The following PEBP4 variants were observed in gnomAD, a reference collection of about 807,000 sequenced individuals.
PEBP4 encodes phosphatidylethanolamine-binding protein 4.
A neutral mutation model predicts 23.9 loss-of-function variants in PEBP4; 22 were observed. The ratio of observed to expected loss-of-function variants is 0.92; its 90% CI spans 0.66 to 1.31. The LOEUF (loss-of-function observed/expected upper bound fraction) is 1.31. Ranked by LOEUF, PEBP4 falls within the 40% of genes most tolerant of loss-of-function variation. PEBP4 has a pLI of 0.00. For missense variants in PEBP4, 324 were observed against 281.7 expected (o/e 1.15, Z -1.07); for synonymous variants, 112 against 99.3 (o/e 1.13, Z -0.76).
intron 4 of PEBP4, among the ~76,000 whole-genome samples, chr8:22,802,631 C>A (rs2128759037): frequency 6.6e-6 from 1 of 152,284 alleles, no homozygotes; most frequent in East Asian, 1.9e-4. Flanking sequence ...GACTTACCTT[C>A]AAAAGTAAAT....
intron 4 of PEBP4, among the ~76,000 whole-genome samples, chr8:22,743,094 C>T (rs1422169546): frequency 6.6e-6 from 1 of 152,150 alleles, no homozygotes; most frequent in African/African-American, 2.4e-5. Context: ...ACTCCAGTGC[C>T]CAGGCCTCTT....
chr8:22,923,633 C>T (rs1809258003), intron 2 of PEBP4, among the ~76,000 whole-genome samples: 1 of 152,086 alleles, frequency 6.6e-6, no homozygotes, highest in African/African-American at 2.4e-5. Context: ...TCAGCTGCCC[C>T]TCAGTGAGTG....
chr8:22,780,852 C>T (rs973031090), intron 4 of PEBP4, among the ~76,000 whole-genome samples: 31 of 152,306 alleles, frequency 2.0e-4, no homozygotes, highest in African/African-American at 7.0e-4. Flanking sequence ...GGAAAGGAAA[C>T]GAGTGTGCTC....
chr8:22,888,911 G>T (rs1468929783), intron 3 of PEBP4, among the ~76,000 whole-genome samples: 1 of 152,212 alleles, frequency 6.6e-6, no homozygotes, highest in Non-Finnish European at 1.5e-5. Flanking sequence ...CTAACCCAGG[G>T]CTAATCCTGG....
chr8:22,936,198 A>T (rs1809537974), intron 1 of PEBP4, among the ~76,000 whole-genome samples: 1 of 151,770 alleles, frequency 6.6e-6, no homozygotes, highest in Non-Finnish European at 1.5e-5. Flanking sequence ...AACAGAGAAG[A>T]CTCAAATTAC....
intron 1 of PEBP4, among the ~76,000 whole-genome samples, chr8:22,934,844 A>T (rs1053457741): frequency 9.2e-5 from 14 of 152,362 alleles, no homozygotes; most frequent in East Asian, 5.8e-4. Context: ...TAGATTTTTT[A>T]AAAATGATTC....
intron 3 of PEBP4, among the ~76,000 whole-genome samples, chr8:22,907,399 C>T (rs915809341): frequency 3.9e-5 from 6 of 152,164 alleles, no homozygotes; most frequent in African/African-American, 1.4e-4. Flanking sequence ...GTAGTCCCAG[C>T]TGCTTGGGAG....
intron 4 of PEBP4, among the ~76,000 whole-genome samples, chr8:22,781,102 C>A (rs143830944): frequency 2.0e-3 from 299 of 152,342 alleles, no homozygotes; most frequent in Non-Finnish European, 3.7e-3. Flanking sequence ...GGCAAATGAC[C>A]CTTTGCCCCC....
At chr8:22,776,249 G>A (rs1232200258) in intron 4 of PEBP4, among the ~76,000 whole-genome samples, 1 of 152,228 alleles carries the variant, frequency 6.6e-6, no homozygotes, top group Non-Finnish European at 1.5e-5. Context: ...GTCTCCAGAA[G>A]CCATTGCAAA....
intron 4 of PEBP4, among the ~76,000 whole-genome samples, chr8:22,815,882 A>C (rs571964839): frequency 3.3e-5 from 5 of 152,268 alleles, no homozygotes; most frequent in African/African-American, 1.2e-4. Context: ...GAAGAGAGGC[A>C]GCCTCATGGT....
rs543834639 is a variant in PEBP4, at chr8:22,938,549, T to C, written c.145-10829A>G. Among the ~76,000 whole-genome samples, 12 of 152,300 alleles carry C rather than the reference T, an allele frequency of 7.9e-5. 1 individual carries two copies. In the South Asian group the frequency reaches 2.3e-3, roughly 29 times the overall value. On this transcript the variant is annotated intron_variant, in intron 1 of 1. Transcript: ENST00000522278. ...CTCTGTCACTAGGCTGTTACCTTCA[T>C]GGAGGAGGGACCCCATGTAGCCTAA...
intron 3 of PEBP4, among the ~76,000 whole-genome samples, chr8:22,870,794 C>T (rs1807992065): frequency 6.6e-6 from 1 of 152,066 alleles, no homozygotes; most frequent in Admixed American, 6.6e-5. Context: ...TTGAATGGGC[C>T]ACAGGTCTTT....
At chr8:22,795,182 T>A (rs532426720) in intron 4 of PEBP4, among the ~76,000 whole-genome samples, 1,736 of 108,978 alleles carry the variant, frequency 0.016, 60 homozygotes, top group Non-Finnish European at 0.02. Flanking sequence ...TTTTTTTTTT[T>A]TTTTTTTTTT....
chr8:22,812,245 A>T (rs926116379), intron 4 of PEBP4, among the ~76,000 whole-genome samples: 3 of 152,240 alleles, frequency 2.0e-5, no homozygotes, highest in East Asian at 1.9e-4. Flanking sequence ...ACATAACTAG[A>T]AAGCAGGGAG....
chr8:22,761,198 C>T (rs932354034), intron 4 of PEBP4, among the ~76,000 whole-genome samples: 2 of 152,154 alleles, frequency 1.3e-5, no homozygotes, highest in African/African-American at 2.4e-5. Flanking sequence ...GCCATCACAT[C>T]TTGCAGGTGG....
At chr8:22,795,332 C>A (rs1417307773) in intron 4 of PEBP4, among the ~76,000 whole-genome samples, 2 of 151,148 alleles carry the variant, frequency 1.3e-5, no homozygotes, top group Admixed American at 1.3e-4. Context: ...TGTGCCACCA[C>A]TCCGGGCTAA....
chr8:22,931,040 C>T (rs751847913), upstream of PEBP4, among the ~76,000 whole-genome samples: 1 of 152,164 alleles, frequency 6.6e-6, no homozygotes, highest in Non-Finnish European at 1.5e-5. Context: ...TCTTCACTCC[C>T]TTCTTATCCC....
intron 3 of PEBP4, among the ~76,000 whole-genome samples, chr8:22,856,709 G>C (rs1402753720): frequency 1.3e-5 from 2 of 150,934 alleles, no homozygotes; most frequent in African/African-American, 2.5e-5. Context: ...GAGGGAAACT[G>C]TCTCTAAATA....
chr8:22,924,691 G>A lies in PEBP4; in HGVS notation c.131+2893C>T, dbSNP rs1199707191. 7 of 985,182 alleles carry A rather than the reference G, an allele frequency of 7.1e-6. No individual in the cohort carries two copies. In the African/African-American group the frequency reaches 8.7e-5, roughly 12 times the overall value. 61.0% of individuals were successfully genotyped at this position (985,182 alleles called of 1,614,324 possible). On this transcript the variant is annotated intron_variant, in intron 2 of 6. Transcript: ENST00000256404. ...CTCCCATCCCTAGGGGAGCTTGCAG[G>A]GCTGACTGGATGGCAGCAGCAGGTG...
Sources: allele counts gnomAD v4.1 joint callset (sites outside exome capture counted in the v4.1 genomes callset), GRCh38; gene constraint gnomAD v4.1.1; transcripts MANE v1.5; gene names NCBI Gene and HGNC (gene_info 2026-07-23, HGNC 2026-07-21).